Variants in RSRP1 observed in about 807,000 individuals in gnomAD.
RSRP1 encodes arginine/serine-rich protein 1.
A neutral mutation model predicts 33.0 loss-of-function variants in RSRP1; 37 were observed. The ratio of observed to expected loss-of-function variants is 1.12; its 90% confidence interval spans 0.86 to 1.48. The LOEUF (loss-of-function observed/expected upper bound fraction) is 1.48, where lower values mean the gene tolerates loss of function less well. Among genes scored for constraint, RSRP1 ranks in the 40% most tolerant of loss-of-function variants. The probability of loss-of-function intolerance (pLI) is 0.00; values close to 1 mark genes in which losing one functional copy is unlikely to be tolerated. For missense variants in RSRP1, 402 were observed against 385.3 expected (o/e 1.04, Z -0.36); for synonymous variants, 167 against 158.7 (o/e 1.05, Z -0.40).
chr1:25,282,960 C>A (rs28721445), intron 1 of RSRP1, among the ~76,000 whole-genome samples: 1 of 131,758 alleles, frequency 7.6e-6, no homozygotes, highest in Admixed American at 7.4e-5. Context: ...AAGTAAAACA[C>A]CTCCCAAACT....
chr1:25,337,379 G>T (rs1264020867), intron 1 of RSRP1: 126 of 150,236 alleles, frequency 8.4e-4, no homozygotes, highest in African/African-American at 3.0e-3. Flanking sequence ...CTGACTCCTT[G>T]ACGGTGATTC....
rs777644205 is a variant in RSRP1, at chr1:25,245,265, G to A, written c.557C>T (p.Ala186Val). ...GTTGGTTGTTCCTAGAGCTTTCGCT[G>A]CATTGGTTTTTGCTATTTCTAACAG... ...MELLEIAKTNAAKALGTTNID... is the reference protein window; with the variant it reads ...MELLEIAKTNVAKALGTTNID... The change falls in exon 3 of 5, where the codon GCA becomes GTA. Residue 186 changes from alanine (A) to valine (V), a missense_variant. By Grantham distance (64) the Ala-to-Val change is moderately conservative. Transcript: ENST00000243189. The A allele has an allele frequency of 6.2e-7, 1 of 1,613,776 alleles. No homozygotes were observed. The highest frequency in any genetic ancestry group is 1.7e-5 in the Admixed American group (1 of 59,984).
At chr1:25,260,799 CTTT>C (rs996988638) in intron 1 of RSRP1, among the ~76,000 whole-genome samples, 2 of 140,180 alleles carry the variant, frequency 1.4e-5, no homozygotes, top group African/African-American at 2.6e-5. Flanking sequence ...TGTCATCTTC[CTTT>C]TTTTTTTTTT....
At position 25,276,416 on chromosome 1, in the gene RSRP1, T is replaced by TAA. The variant is rs59061341; in HGVS notation, c.-66-29389_-66-29388dup. ...CTTTAAAAGTTCTGTAATAGTTAAT[T>TAA]AAAAAAAAAAAAAAACACCCTGGCT... On this transcript the variant is annotated intron_variant, in intron 1 of 1. Transcript: ENST00000561867. Among the ~76,000 whole-genome samples, 331 of 88,572 alleles carry TAA rather than the reference T, an allele frequency of 3.7e-3. 23 individuals carry two copies. Among genetic ancestry groups the TAA allele is most frequent in the African/African-American group, 9.5e-3 (263 of 27,706 alleles). The allele number at this position is 88,572 out of a possible 152,430, so 58.1% of individuals were successfully genotyped here. A position where few individuals can be genotyped will look rare whatever the true frequency, so the allele number is the denominator to read the frequency against.
At chr1:25,295,990 G>A (rs572058969) in intron 1 of RSRP1, among the ~76,000 whole-genome samples, 1 of 116,112 alleles carries the variant, frequency 8.6e-6, no homozygotes, top group East Asian at 2.1e-4. Flanking sequence ...AGCTTCCCGA[G>A]TAGCTGAGAT....
intron 3 of RSRP1, chr1:25,244,051 G>A: frequency 8.5e-7 from 1 of 1,182,862 alleles, no homozygotes; most frequent in Non-Finnish European, 1.1e-6. Flanking sequence ...GATTCATTTA[G>A]ATACAGCATT....
intron 1 of RSRP1, among the ~76,000 whole-genome samples, chr1:25,263,815 C>A (rs970118503): frequency 6.6e-6 from 1 of 152,072 alleles, no homozygotes; most frequent in African/African-American, 2.4e-5. Context: ...ATTTATGAGC[C>A]TATAAAATCC....
chr1:25,269,700 G>T (rs188116465), intron 1 of RSRP1, among the ~76,000 whole-genome samples: 1 of 133,314 alleles, frequency 7.5e-6, no homozygotes, highest in African/African-American at 2.6e-5. Flanking sequence ...TTTTATAAGA[G>T]TCAGAGGGGA....
chr1:25,287,163 G>A lies in RSRP1; in HGVS notation c.-66-40134C>T, dbSNP rs1642094939. On this transcript the variant is annotated intron_variant, in intron 1 of 1. Transcript: ENST00000561867. Reference sequence around the variant, plus strand: ...GAATTCAATACACACACGCACACATGCACGCATACACACACTGTGTCCACC... The same window carrying A: ...GAATTCAATACACACACGCACACATACACGCATACACACACTGTGTCCACC... Among the ~76,000 whole-genome samples the A allele has an allele frequency of 2.2e-5, 3 of 135,198 alleles. 1 individual carries two copies. The highest frequency in any genetic ancestry group is 7.7e-5 in the African/African-American group (3 of 39,148). 88.7% of individuals were successfully genotyped at this position (135,198 alleles called of 152,430 possible).
At chr1:25,243,520 T>A in intron 4 of RSRP1, 30 bp downstream of exon 4, 1 of 1,606,564 alleles carries the variant, frequency 6.2e-7, no homozygotes, top group Non-Finnish European at 8.5e-7. Flanking sequence ...AAATCCAATT[T>A]TTGAGTGTTC....
At chr1:25,244,473 A>G (rs540071410) in intron 3 of RSRP1, 14 of 1,289,396 alleles carry the variant, frequency 1.1e-5, no homozygotes, top group African/African-American at 3.0e-5. Flanking sequence ...TTCTTCATCA[A>G]TGTCTGCAGA....
chr1:25,253,682 G>A (rs1639862207), intron 1 of RSRP1: 1 of 152,200 alleles, frequency 6.6e-6, no homozygotes, highest in South Asian at 2.1e-4. Context: ...TTTATTCATG[G>A]ACATGCATAT....
chr1:25,323,459 T>C (rs549231694), intron 1 of RSRP1, among the ~76,000 whole-genome samples: 2 of 118,868 alleles, frequency 1.7e-5, no homozygotes, highest in East Asian at 4.2e-4. Flanking sequence ...GTTTGCATTT[T>C]CTGTAATTTT....
At chr1:25,287,214 G>A (rs569017111) in intron 1 of RSRP1, among the ~76,000 whole-genome samples, 5 of 135,618 alleles carry the variant, frequency 3.7e-5, no homozygotes, top group South Asian at 2.2e-4. Flanking sequence ...GGCACCCTGG[G>A]GGATTTCAAA....
rs771369988 is a variant in RSRP1, at chr1:25,246,670, G to C, written c.294C>G (p.Tyr98Ter). ...SRSRRYRERR[Y>*]GFTRRYYRSP... ...ACCGGTAGTATCTCCTGGTGAACCC[G>C]TAGCGCCTCTCTCGGTAACGGCGGC... The change falls in exon 2 of 5, where the codon TAC becomes TAG. Residue 98 changes from tyrosine (Y) to a stop codon, truncating the protein, a stop_gained. Transcript: ENST00000243189. LOFTEE classifies it high-confidence loss of function. 1.9e-6 allele frequency: 3 copies of C among 1,611,692 alleles called. No homozygotes were observed. In the East Asian group the frequency reaches 6.7e-5, roughly 36 times the overall value.
At chr1:25,305,337 G>A (rs1345742244) in intron 1 of RSRP1, among the ~76,000 whole-genome samples, 1 of 131,072 alleles carries the variant, frequency 7.6e-6, no homozygotes, top group African/African-American at 2.6e-5. Context: ...GATGGGAGGT[G>A]CTCAGGCACA....
rs1370731968 is a variant in RSRP1, at chr1:25,318,753, A to T, written c.-67+19225T>A. Among the ~76,000 whole-genome samples, 3 of 132,738 alleles carry T rather than the reference A, an allele frequency of 2.3e-5. 1 individual carries two copies. The highest frequency in any genetic ancestry group is 7.7e-5 in the African/African-American group (3 of 39,000). The allele number at this position is 132,738 out of a possible 152,430, so 87.1% of individuals were successfully genotyped here. The stretch of plus-strand genomic sequence containing the variant: ...CACTATGAGTTGTGTGACGTTGGGC[A>T]TGTCACTTTACTCCCTCTGAGCCTT... On this transcript the variant is annotated intron_variant, in intron 1 of 1. Coordinates refer to the RSRP1 transcript ENST00000561867.
At chr1:25,303,752 C>T (rs1469558852) in intron 1 of RSRP1, among the ~76,000 whole-genome samples, 1 of 130,768 alleles carries the variant, frequency 7.6e-6, no homozygotes, top group East Asian at 2.0e-4. Flanking sequence ...TGTGGGGAGC[C>T]CCGAAGCCCC....
At chr1:25,338,246 C>T (rs1174568979), upstream of RSRP1, 4 of 152,268 alleles carry the variant, frequency 2.6e-5, no homozygotes, top group East Asian at 7.7e-4. Context: ...TGCGCAGACG[C>T]GTTGTTGTGG....
Sources: allele counts gnomAD v4.1 joint callset (sites outside exome capture counted in the v4.1 genomes callset), GRCh38; gene constraint gnomAD v4.1.1; transcripts MANE v1.5; gene names NCBI Gene and HGNC (gene_info 2026-07-23, HGNC 2026-07-21).